Variants in NAALADL2 observed in about 807,000 individuals in gnomAD.
The protein encoded by NAALADL2 is inactive N-acetylated-alpha-linked acidic dipeptidase-like protein 2.
NAALADL2 carries 76 observed loss-of-function variants against 87.2 expected under a neutral mutation model. The observed-to-expected ratio is 0.87, with a 90% CI of 0.72 to 1.05. NAALADL2 has a LOEUF of 1.05. NAALADL2 is among the 50% of genes least tolerant of loss of function. The pLI, the probability that NAALADL2 is intolerant of heterozygous loss-of-function variation, is 0.00. For synonymous variants in NAALADL2, 354 were observed against 331.0 expected (o/e 1.07, Z -0.75); for missense variants, 1,089 against 945.8 (o/e 1.15, Z -1.99).
At chr3:174,995,697 T>A (rs1293259717) in intron 1 of NAALADL2, among the ~76,000 whole-genome samples, 1 of 152,020 alleles carries the variant, frequency 6.6e-6, no homozygotes, top group Non-Finnish European at 1.5e-5. Flanking sequence ...TACCAGAACA[T>A]CTTGCATTCA....
intron 3 of NAALADL2, among the ~76,000 whole-genome samples, chr3:174,812,608 G>T (rs1720340772): frequency 6.6e-6 from 1 of 151,974 alleles, no homozygotes; most frequent in Non-Finnish European, 1.5e-5. Flanking sequence ...TCTTCAAGAG[G>T]TATTCCAAAA....
intron 2 of NAALADL2, among the ~76,000 whole-genome samples, chr3:174,657,600 A>G (rs891361343): frequency 6.6e-6 from 1 of 152,162 alleles, no homozygotes; most frequent in African/African-American, 2.4e-5. Context: ...AGAATGGCGT[A>G]TTCGTGACAA....
intron 3 of NAALADL2, among the ~76,000 whole-genome samples, chr3:174,785,719 T>G (rs746707864): frequency 6.6e-6 from 1 of 152,216 alleles, no homozygotes; most frequent in Non-Finnish European, 1.5e-5. Context: ...AGACACAGAA[T>G]ACAGTCATAG....
intron 9 of NAALADL2, among the ~76,000 whole-genome samples, chr3:175,483,485 A>G (rs1327295360): frequency 6.6e-6 from 1 of 151,588 alleles, no homozygotes; most frequent in Non-Finnish European, 1.5e-5. Context: ...CTCCTAATCT[A>G]TCATTTAATT....
intron 1 of NAALADL2, among the ~76,000 whole-genome samples, chr3:175,062,978 A>AT (rs1340963030): frequency 1.3e-5 from 2 of 152,090 alleles, no homozygotes; most frequent in East Asian, 3.9e-4. Context: ...TACTAAATAA[A>AT]TTTTTTACTT....
chr3:175,668,934 A>G (rs1172614854), intron 11 of NAALADL2, among the ~76,000 whole-genome samples: 1 of 152,118 alleles, frequency 6.6e-6, no homozygotes, highest in Non-Finnish European at 1.5e-5. Flanking sequence ...CACTATGTGC[A>G]AGGCACTGTA....
chr3:175,016,118 C>A (rs1187451740), intron 1 of NAALADL2, among the ~76,000 whole-genome samples: 1 of 151,362 alleles, frequency 6.6e-6, no homozygotes, highest in African/African-American at 2.4e-5. Flanking sequence ...CAAGCTGAAG[C>A]AAGTTATTGT....
At chr3:174,968,028 A>G (rs561090776) in intron 1 of NAALADL2, among the ~76,000 whole-genome samples, 1 of 152,348 alleles carries the variant, frequency 6.6e-6, no homozygotes, top group Admixed American at 6.5e-5. Flanking sequence ...TCCCTTCACC[A>G]CATAAACCTT....
At chr3:174,942,734 TTTA>T (rs1477899143) in intron 1 of NAALADL2, among the ~76,000 whole-genome samples, 4 of 152,196 alleles carry the variant, frequency 2.6e-5, no homozygotes, top group Non-Finnish European at 2.9e-5. Flanking sequence ...TTTGCTCCGT[TTTA>T]TTATTATTTT....
chr3:175,439,504 AT>A (rs58380359), intron 5 of NAALADL2, among the ~76,000 whole-genome samples: 116,852 of 151,220 alleles, frequency 0.77, 45,323 homozygotes, highest in East Asian at 0.87. Flanking sequence ...GCCAACATCT[AT>A]TTTTTTTTAA....
intron 3 of NAALADL2, among the ~76,000 whole-genome samples, chr3:174,799,339 AT>A (rs1718525547): frequency 6.6e-6 from 1 of 151,980 alleles, no homozygotes; most frequent in South Asian, 2.1e-4. Context: ...TTGAATTCCC[AT>A]GTGTTATGGG....
intron 9 of NAALADL2, among the ~76,000 whole-genome samples, chr3:175,561,935 C>T (rs2093300434): frequency 6.6e-6 from 1 of 152,178 alleles, no homozygotes; most frequent in Non-Finnish European, 1.5e-5. Context: ...AATTATTTGA[C>T]ATCCAAGTGA....
At chr3:174,934,469 T>G (rs144766284) in intron 1 of NAALADL2, among the ~76,000 whole-genome samples, 254 of 152,268 alleles carry the variant, frequency 1.7e-3, no homozygotes, top group African/African-American at 5.6e-3. Context: ...TAGATATTAT[T>G]TTTTGTTTCA....
At chr3:175,317,694 T>C (rs1429603496) in intron 4 of NAALADL2, among the ~76,000 whole-genome samples, 1 of 152,150 alleles carries the variant, frequency 6.6e-6, no homozygotes. Flanking sequence ...CAAAAAAATA[T>C]GTAAATAGCC....
At chr3:174,451,928 C>T (rs1476208347) in intron 1 of NAALADL2, among the ~76,000 whole-genome samples, 2 of 147,466 alleles carry the variant, frequency 1.4e-5, no homozygotes, top group East Asian at 2.0e-4. Flanking sequence ...CTGCAACCTC[C>T]GCCTCTCGGG....
chr3:174,877,482 C>T (rs1483992720), intron 1 of NAALADL2, among the ~76,000 whole-genome samples: 2 of 152,078 alleles, frequency 1.3e-5, no homozygotes, highest in Non-Finnish European at 2.9e-5. Flanking sequence ...AAGGCTCTCA[C>T]ATCTCTGCCA....
At chr3:174,881,443 C>G (rs1729182049) in intron 1 of NAALADL2, among the ~76,000 whole-genome samples, 1 of 152,098 alleles carries the variant, frequency 6.6e-6, no homozygotes, top group Admixed American at 6.6e-5. Flanking sequence ...CAAATTTACT[C>G]ACGTTTCTGT....
intron 2 of NAALADL2, among the ~76,000 whole-genome samples, chr3:174,722,543 A>G (rs1384388626): frequency 6.6e-6 from 1 of 152,140 alleles, no homozygotes; most frequent in Non-Finnish European, 1.5e-5. Context: ...TCTACTAAAA[A>G]TACCAAAAAT....
At chr3:174,958,478 T>C (rs1242098092) in intron 1 of NAALADL2, among the ~76,000 whole-genome samples, 1 of 152,004 alleles carries the variant, frequency 6.6e-6, no homozygotes, top group African/African-American at 2.4e-5. Flanking sequence ...ATCACCACTT[T>C]TATCCATCCC....
Sources: gnomAD v4.1 joint callset for allele counts (sites outside exome capture counted in the v4.1 genomes callset) on GRCh38, gnomAD v4.1.1 for gene constraint, MANE v1.5 for transcripts, NCBI Gene and HGNC (gene_info 2026-07-23, HGNC 2026-07-21) for gene names.